The following GPM6A variants were observed in gnomAD, a reference collection of about 807,000 sequenced individuals.
The protein encoded by GPM6A is neuronal membrane glycoprotein M6-a.
A neutral mutation model predicts 32.1 loss-of-function variants in GPM6A; 7 were observed. That is an observed-to-expected ratio of 0.22 (90% CI 0.12 to 0.41). GPM6A has a LOEUF of 0.41. Ranked by LOEUF, GPM6A falls within the 10% of genes least tolerant of loss-of-function variation. The pLI is 1.00. For synonymous variants in GPM6A, 130 were observed against 123.4 expected (o/e 1.05, Z -0.35); for missense variants, 235 against 347.2 (o/e 0.68, Z 2.57).
rs1180690357 is a variant in GPM6A at position 175,805,901 on chromosome 4, TTTTC to T, written c.37+6286_37+6289del. ...GAAAAAAAAATCAGTTATCTTCTGT[TTTTC>T]TTTCTTTATGTTGTTCACAGTACAA... is the stretch of plus-strand genomic sequence containing the variant. On this transcript the variant is annotated intron_variant, in intron 1 of 6. Transcript: ENST00000393658. The T allele has an allele frequency of 2.0e-5, 3 of 152,216 alleles. No homozygotes were observed. The East Asian group carries it at 5.8e-4, about 29-fold the overall frequency. 9.4% of individuals were successfully genotyped at this position (152,216 alleles called of 1,614,324 possible).
At chr4:175,658,415 AG>A (rs143207962) in intron 3 of GPM6A, among the ~76,000 whole-genome samples, 1 of 152,204 alleles carries the variant, frequency 6.6e-6, no homozygotes, top group Admixed American at 6.5e-5. Flanking sequence ...TGCCAAGTGT[AG>A]GGGGGGTGAG....
At chr4:175,700,840 C>T (rs1428749867) in intron 2 of GPM6A, among the ~76,000 whole-genome samples, 2 of 152,132 alleles carry the variant, frequency 1.3e-5, no homozygotes, top group Non-Finnish European at 2.9e-5. Context: ...GAATTAGTAA[C>T]TTATTTAGCA....
chr4:175,887,260 A>G (rs1173690911), intron 1 of GPM6A, among the ~76,000 whole-genome samples: 3 of 152,026 alleles, frequency 2.0e-5, no homozygotes, highest in Admixed American at 2.0e-4. Flanking sequence ...AATGCAGGTA[A>G]ATAAGGAAAG....
chr4:175,671,684 A>C, intron 3 of GPM6A, among the ~76,000 whole-genome samples: 1 of 152,106 alleles, frequency 6.6e-6, no homozygotes, highest in East Asian at 1.9e-4. Flanking sequence ...TGCAGCCGCC[A>C]CTGTTTACTT....
intron 1 of GPM6A, among the ~76,000 whole-genome samples, chr4:175,744,727 T>A (rs1220492377): frequency 6.6e-6 from 1 of 152,158 alleles, no homozygotes; most frequent in Admixed American, 6.5e-5. Context: ...CCCTAGCAGA[T>A]AAACATTGAA....
At chr4:175,638,526 T>G (rs990304175) in intron 6 of GPM6A, among the ~76,000 whole-genome samples, 1 of 152,142 alleles carries the variant, frequency 6.6e-6, no homozygotes, top group African/African-American at 2.4e-5. Context: ...AAATACATAA[T>G]ATATAAATTT....
intron 1 of GPM6A, among the ~76,000 whole-genome samples, chr4:175,901,379 C>T (rs971320222): frequency 6.6e-6 from 1 of 151,904 alleles, no homozygotes; most frequent in African/African-American, 2.4e-5. Flanking sequence ...ATATTGCATG[C>T]CTGTATCAAA....
chr4:175,785,200 G>A (rs1392215689), intron 1 of GPM6A, among the ~76,000 whole-genome samples: 3 of 152,152 alleles, frequency 2.0e-5, no homozygotes, highest in African/African-American at 4.8e-5. Context: ...GCCATGCTAT[G>A]AAAAGTTCAA....
intron 3 of GPM6A, among the ~76,000 whole-genome samples, chr4:175,658,831 G>A (rs1446121490): frequency 6.6e-6 from 1 of 152,172 alleles, no homozygotes; most frequent in African/African-American, 2.4e-5. Context: ...AGTGTTCACT[G>A]TGTGGTTTGG....
chr4:175,787,826 G>T, intron 1 of GPM6A: 1 of 157,682 alleles, frequency 6.3e-6, no homozygotes, highest in Admixed American at 6.4e-5. Flanking sequence ...TTGTTAGCTT[G>T]TTTTTAATTG....
At position 175,737,450 on chromosome 4, in the gene GPM6A, T is replaced by G. The variant is rs974285601; in HGVS notation, c.38-35683A>C. Among the ~76,000 whole-genome samples the G allele has an allele frequency of 5.9e-5, 9 of 152,008 alleles. No homozygotes were observed. In the East Asian group the frequency reaches 1.7e-3, roughly 30 times the overall value. ...TGAACCTGGGAAGTGAAGGTTCCAG[T>G]GAGCCGAGATTGTGCCATTGCACTC... On this transcript the variant is annotated intron_variant, in intron 1 of 6. Transcript: ENST00000393658.
chr4:175,971,725 T>C (rs188442061), intron 1 of GPM6A, among the ~76,000 whole-genome samples: 77 of 152,330 alleles, frequency 5.1e-4, no homozygotes, highest in African/African-American at 1.5e-3. Context: ...TTCTGTATTA[T>C]AGGTTTTGAA....
intron 1 of GPM6A, among the ~76,000 whole-genome samples, chr4:175,737,137 G>A (rs1022250546): frequency 6.6e-6 from 1 of 152,216 alleles, no homozygotes; most frequent in African/African-American, 2.4e-5. Context: ...ACGGTGTGAA[G>A]TAAAAGATGA....
chr4:175,951,122 G>A (rs536851035), intron 1 of GPM6A, among the ~76,000 whole-genome samples: 9 of 152,130 alleles, frequency 5.9e-5, no homozygotes, highest in African/African-American at 1.7e-4. Flanking sequence ...AATACAACAC[G>A]TCGATAAATA....
At chr4:175,771,159 T>A (rs75211984) in intron 1 of GPM6A, among the ~76,000 whole-genome samples, 5 of 151,786 alleles carry the variant, frequency 3.3e-5, no homozygotes, top group Admixed American at 1.3e-4. Context: ...CTTCCTTGTT[T>A]TTTTGCCCAT....
intron 1 of GPM6A, among the ~76,000 whole-genome samples, chr4:175,788,919 G>T (rs942332872): frequency 6.6e-6 from 1 of 152,058 alleles, no homozygotes; most frequent in Non-Finnish European, 1.5e-5. Flanking sequence ...TTATGATAAA[G>T]AAAGAAAATG....
Position 175,667,758 on chromosome 4 carries a change from AC to A in GPM6A, c.387+5921del, listed in dbSNP as rs1442630888. Among the ~76,000 whole-genome samples, 74 of 152,322 alleles carry A rather than the reference AC, an allele frequency of 4.9e-4. 1 individual carries two copies. The highest frequency in any genetic ancestry group is 1.7e-3 in the African/African-American group (71 of 41,574). On this transcript the variant is annotated intron_variant, in intron 3 of 6. Coordinates refer to ENST00000393658, the MANE Select transcript of GPM6A (RefSeq NM_201591.3). ...TAGGATTATAAAAATGTAGGCAGTC[AC>A]AAATTATATAACATTATATCCTAGA...
intron 1 of GPM6A, among the ~76,000 whole-genome samples, chr4:175,984,446 A>G (rs146757544): frequency 0.014 from 2,123 of 152,226 alleles, 49 homozygotes; most frequent in African/African-American, 0.047. Flanking sequence ...AACAGGCATG[A>G]GCCACCGCGC....
chr4:175,956,461 A>G (rs914423722), intron 1 of GPM6A, among the ~76,000 whole-genome samples: 1 of 152,156 alleles, frequency 6.6e-6, no homozygotes, highest in Non-Finnish European at 1.5e-5. Context: ...GTTTATACTC[A>G]AATTTATGTT....
Sources: gnomAD v4.1 joint callset for allele counts (sites outside exome capture counted in the v4.1 genomes callset) on GRCh38, gnomAD v4.1.1 for gene constraint, MANE v1.5 for transcripts, NCBI Gene and HGNC (gene_info 2026-07-23, HGNC 2026-07-21) for gene names.